ART3: variants seen among roughly 807,000 people sequenced by gnomAD.
ART3 encodes ADP-ribosyltransferase 3 (inactive).
Under a neutral mutation model 48.5 loss-of-function variants are expected in ART3, and 49 were observed. That is an observed-to-expected ratio of 1.01 (90% CI 0.80 to 1.28). The LOEUF is 1.28. Among genes scored for constraint, ART3 ranks in the 50% most tolerant of loss-of-function variants. The pLI is 0.00. For missense variants in ART3, 438 were observed against 454.3 expected, an observed-to-expected ratio of 0.96 and a Z score of 0.33; for synonymous variants, 145 against 157.2, an observed-to-expected ratio of 0.92 and a Z score of 0.58.
chr4:76,102,806 A>C (rs114035191), intron 8 of ART3, among the ~76,000 whole-genome samples: 3,734 of 152,076 alleles, frequency 0.025, 121 homozygotes, highest in African/African-American at 0.073. Context: ...TATTTTTCCA[A>C]ATTATCTATA....
At chr4:76,081,732 A>T (rs1407156252) in intron 2 of ART3, 92 bp from the exon 3 acceptor site, 1 of 1,356,900 alleles carries the variant, frequency 7.4e-7, no homozygotes, top group Non-Finnish European at 1.0e-6. Context: ...GAATTTTGGC[A>T]AGGGATGAGA....
chr4:76,106,600 G>A (rs1728528838), intron 10 of ART3, among the ~76,000 whole-genome samples: 1 of 152,116 alleles, frequency 6.6e-6, no homozygotes, highest in South Asian at 2.1e-4. Context: ...TGCAGCTGCA[G>A]GCATATTCCC....
chr4:76,079,887 GTC>G (rs1266898088), intron 2 of ART3, among the ~76,000 whole-genome samples: 4 of 150,664 alleles, frequency 2.7e-5, no homozygotes. Flanking sequence ...CTCTCTCTCT[GTC>G]TCTCTCTCTT....
chr4:76,038,410 T>C (rs1016180189), intron 1 of ART3, among the ~76,000 whole-genome samples: 2 of 152,138 alleles, frequency 1.3e-5, no homozygotes, highest in Non-Finnish European at 2.9e-5. Context: ...TTGGAACATA[T>C]CCCCCAAGGA....
chr4:76,095,326 G>T (rs904282119), intron 3 of ART3, among the ~76,000 whole-genome samples: 7 of 152,048 alleles, frequency 4.6e-5, no homozygotes, highest in African/African-American at 1.7e-4. Flanking sequence ...TCGCCAACAT[G>T]GTGAAACCCT....
At chr4:76,077,614 A>G (rs1331408293) in intron 2 of ART3, among the ~76,000 whole-genome samples, 3 of 152,240 alleles carry the variant, frequency 2.0e-5, no homozygotes, top group African/African-American at 7.2e-5. Context: ...TTACTTATAT[A>G]TAGGAAATAT....
chr4:76,034,611 T>C (rs1334066664), intron 1 of ART3: 13 of 618,012 alleles, frequency 2.1e-5, no homozygotes, highest in Admixed American at 6.9e-5. Flanking sequence ...ACTGTATTTC[T>C]GTTTTTGGTC....
At chr4:76,039,435 T>C (rs1734747795) in intron 1 of ART3, among the ~76,000 whole-genome samples, 1 of 152,210 alleles carries the variant, frequency 6.6e-6, no homozygotes, top group Admixed American at 6.5e-5. Flanking sequence ...TTATTATCAG[T>C]GTCCTTTCCT....
chr4:76,076,497 C>G (rs1218712244), intron 2 of ART3, among the ~76,000 whole-genome samples: 2 of 152,160 alleles, frequency 1.3e-5, no homozygotes, highest in East Asian at 3.9e-4. Context: ...CATAATTCCT[C>G]CACTCAGAGG....
chr4:76,022,050 C>T (rs1158172195), intron 1 of ART3: 11 of 1,113,008 alleles, frequency 9.9e-6, no homozygotes, highest in African/African-American at 1.6e-5. Flanking sequence ...GATAACTGAG[C>T]TTTCCTGCTG....
intron 3 of ART3, among the ~76,000 whole-genome samples, chr4:76,085,118 A>G (rs1002239030): frequency 1.3e-5 from 2 of 152,184 alleles, no homozygotes; most frequent in African/African-American, 2.4e-5. Flanking sequence ...GCTAGACAGT[A>G]TGCTTTATTC....
chr4:76,075,087 C>A (rs1182224812), intron 1 of ART3, among the ~76,000 whole-genome samples: 1 of 152,052 alleles, frequency 6.6e-6, no homozygotes, highest in Non-Finnish European at 1.5e-5. Context: ...TTCTCCCTTC[C>A]CCTGTGCTGT....
chr4:76,022,269 C>A, intron 1 of ART3: 1 of 993,830 alleles, frequency 1.0e-6, no homozygotes, highest in Non-Finnish European at 1.6e-6. Context: ...TACTTTTAAA[C>A]CAGCGATTGC....
At chr4:76,077,742 C>T (rs1039347019) in intron 2 of ART3, among the ~76,000 whole-genome samples, 6 of 152,008 alleles carry the variant, frequency 3.9e-5, no homozygotes, top group Non-Finnish European at 2.9e-5. Flanking sequence ...CTGGGTTGTA[C>T]GGTAATTTTA....
intron 2 of ART3, among the ~76,000 whole-genome samples, chr4:76,078,365 T>A (rs186541892): frequency 2.5e-4 from 38 of 152,250 alleles, no homozygotes; most frequent in African/African-American, 8.4e-4. Flanking sequence ...TGGGAGGTGT[T>A]TTCAGGGTCT....
At chr4:76,031,247 T>A (rs1269563990) in intron 1 of ART3, among the ~76,000 whole-genome samples, 1 of 152,202 alleles carries the variant, frequency 6.6e-6, no homozygotes, top group Non-Finnish European at 1.5e-5. Flanking sequence ...CCATGGCATG[T>A]ATTACCGATT....
chr4:76,014,352 T>TA (rs1323605071), intron 1 of ART3, among the ~76,000 whole-genome samples: 1 of 151,776 alleles, frequency 6.6e-6, no homozygotes, highest in East Asian at 1.9e-4. Flanking sequence ...GTAGAAATTA[T>TA]AAAAAAGGAA....
intron 1 of ART3, among the ~76,000 whole-genome samples, chr4:76,075,093 G>T (rs1298072563): frequency 6.6e-6 from 1 of 152,160 alleles, no homozygotes; most frequent in Non-Finnish European, 1.5e-5. Context: ...CTTCCCCTGT[G>T]CTGTTCATTC....
chr4:76,021,949 C>T (rs1386730660), intron 1 of ART3: 2 of 1,610,860 alleles, frequency 1.2e-6, no homozygotes, highest in Non-Finnish European at 1.7e-6. Flanking sequence ...TCTTTTAGAC[C>T]TGTAAGAAGA....
Sources: gnomAD v4.1 joint callset for allele counts (sites outside exome capture counted in the v4.1 genomes callset) on GRCh38, gnomAD v4.1.1 for gene constraint, MANE v1.5 for transcripts, NCBI Gene and HGNC (gene_info 2026-07-23, HGNC 2026-07-21) for gene names.